The following DLG2 variants were observed in gnomAD, a reference collection of about 807,000 sequenced individuals.
DLG2 encodes disks large homolog 2.
In DLG2, 45 loss-of-function variants were observed where a neutral mutation model predicts 132.5. The ratio of observed to expected loss-of-function variants is 0.34; its 90% CI spans 0.27 to 0.44. DLG2 has a LOEUF of 0.44. DLG2 is among the 20% of genes least tolerant of loss of function. The pLI, the probability that DLG2 is intolerant of heterozygous loss-of-function variation, is 1.00. For missense variants in DLG2, 1,045 were observed against 1,196.9 expected (o/e 0.87, Z 1.87); for synonymous variants, 424 against 419.6 (o/e 1.01, Z -0.13).
At chr11:83,690,192 G>C (rs2080727385) in intron 18 of DLG2, among the ~76,000 whole-genome samples, 1 of 150,554 alleles carries the variant, frequency 6.6e-6, no homozygotes, top group Non-Finnish European at 1.5e-5. Context: ...GCTACCACTG[G>C]GGTGCGTATA....
At chr11:84,512,125 T>A (rs2154514161) in intron 7 of DLG2, among the ~76,000 whole-genome samples, 1 of 152,302 alleles carries the variant, frequency 6.6e-6, no homozygotes, top group East Asian at 1.9e-4. Context: ...CCTTTTTACA[T>A]ATAAGCAACA....
intron 6 of DLG2, among the ~76,000 whole-genome samples, chr11:84,663,747 C>T (rs2099697162): frequency 6.6e-6 from 1 of 152,152 alleles, no homozygotes; most frequent in South Asian, 2.1e-4. Context: ...TTTGTAGGCC[C>T]CTTATATCTG....
At chr11:84,445,823 G>A (rs2099032396) in intron 7 of DLG2, among the ~76,000 whole-genome samples, 1 of 150,628 alleles carries the variant, frequency 6.6e-6, no homozygotes, top group African/African-American at 2.5e-5. Flanking sequence ...GGCTGAGGCA[G>A]GAGAATGGCG....
At chr11:84,985,991 C>CAAAAAAAAAAA (rs71036455) in intron 6 of DLG2, among the ~76,000 whole-genome samples, 16 of 44,228 alleles carry the variant, frequency 3.6e-4, no homozygotes, top group East Asian at 1.7e-3. Flanking sequence ...GACTCCGTCT[C>CAAAAAAAAAAA]AAAAAAAAAA....
chr11:83,569,838 C>A (rs1264791194), intron 19 of DLG2, among the ~76,000 whole-genome samples: 1 of 152,208 alleles, frequency 6.6e-6, no homozygotes, highest in South Asian at 2.1e-4. Flanking sequence ...ACTCAGCAAG[C>A]CAGTCAGAAA....
chr11:85,443,668 A>T (rs2091886989), intron 3 of DLG2, among the ~76,000 whole-genome samples: 1 of 152,250 alleles, frequency 6.6e-6, no homozygotes, highest in Non-Finnish European at 1.5e-5. Context: ...GACATAAACC[A>T]TATTTAAATG....
intron 3 of DLG2, among the ~76,000 whole-genome samples, chr11:85,516,829 AATTC>A (rs1413797654): frequency 6.6e-6 from 1 of 152,114 alleles, no homozygotes; most frequent in Admixed American, 6.6e-5. Context: ...TTCACAGCTG[AATTC>A]CACCAAAAGT....
chr11:84,031,866 G>A (rs934968034), intron 11 of DLG2, among the ~76,000 whole-genome samples: 2 of 152,014 alleles, frequency 1.3e-5, no homozygotes, highest in Non-Finnish European at 2.9e-5. Context: ...ACTTCACGTC[G>A]TGTGTCACAT....
intron 6 of DLG2, among the ~76,000 whole-genome samples, chr11:84,837,270 G>A (rs1379555862): frequency 6.6e-6 from 1 of 151,808 alleles, no homozygotes; most frequent in Non-Finnish European, 1.5e-5. Context: ...ATTTCACCTT[G>A]CTTCTCTTTG....
At chr11:84,499,728 TTCTC>T (rs1043891881) in intron 7 of DLG2, among the ~76,000 whole-genome samples, 1 of 151,948 alleles carries the variant, frequency 6.6e-6, no homozygotes, top group African/African-American at 2.4e-5. Context: ...CTCTCTCTGT[TTCTC>T]TCTCTATATA....
chr11:84,560,557 G>A (rs2099425017), intron 6 of DLG2, among the ~76,000 whole-genome samples: 1 of 152,000 alleles, frequency 6.6e-6, no homozygotes, highest in Non-Finnish European at 1.5e-5. Flanking sequence ...TATAAGACAT[G>A]GCAGATTTGT....
At chr11:84,474,450 G>C (rs1316612740) in intron 7 of DLG2, among the ~76,000 whole-genome samples, 2 of 152,030 alleles carry the variant, frequency 1.3e-5, no homozygotes, top group African/African-American at 2.4e-5. Context: ...AGGATGATTT[G>C]TGTGTAAGGA....
At chr11:85,004,459 T>C (rs554970845) in intron 6 of DLG2, among the ~76,000 whole-genome samples, 2 of 152,344 alleles carry the variant, frequency 1.3e-5, no homozygotes, top group South Asian at 4.1e-4. Flanking sequence ...TTTGCATTTC[T>C]CTAATGGCCA....
chr11:85,593,649 AT>A (rs1047424316), intron 3 of DLG2, among the ~76,000 whole-genome samples: 1 of 152,206 alleles, frequency 6.6e-6, no homozygotes, highest in African/African-American at 2.4e-5. Context: ...CACACCCACT[AT>A]TTAAATAATC....
At position 84,361,189 on chromosome 11, in the gene DLG2, T is replaced by C. The variant is rs931973231; in HGVS notation, c.520-109898A>G. Among the ~76,000 whole-genome samples, 10 of 152,016 alleles carry C rather than the reference T, an allele frequency of 6.6e-5. No individual in the cohort carries two copies. The East Asian group carries it at 1.9e-3, about 29-fold the overall frequency. On this transcript the variant is annotated intron_variant, in intron 7 of 27. Coordinates refer to ENST00000376104, the MANE Select transcript of DLG2 (RefSeq NM_001142699.3). ...ATAAAAACACTATTTAAAGAAATAATGACCAATAGTTTTCCACATTTGATA... is the reference window on the plus strand; with the variant it reads ...ATAAAAACACTATTTAAAGAAATAACGACCAATAGTTTTCCACATTTGATA...
chr11:83,590,013 G>A (rs1185344916), intron 19 of DLG2, among the ~76,000 whole-genome samples: 11 of 136,416 alleles, frequency 8.1e-5, no homozygotes, highest in Non-Finnish European at 1.4e-4. Context: ...GACCTACAAA[G>A]AGACTTAGAC....
chr11:85,593,371 G>A (rs1183671555), intron 3 of DLG2, among the ~76,000 whole-genome samples: 4 of 152,138 alleles, frequency 2.6e-5, no homozygotes, highest in Non-Finnish European at 5.9e-5. Flanking sequence ...GATTAGTAAA[G>A]TACCATTTGC....
chr11:84,559,909 A>G (rs1419359955), intron 6 of DLG2, among the ~76,000 whole-genome samples: 1 of 152,114 alleles, frequency 6.6e-6, no homozygotes, highest in Non-Finnish European at 1.5e-5. Flanking sequence ...GCTCTAACAT[A>G]TGGCACATGA....
chr11:84,230,729 A>G (rs1025498662), intron 8 of DLG2, among the ~76,000 whole-genome samples: 4 of 152,200 alleles, frequency 2.6e-5, no homozygotes, highest in African/African-American at 9.6e-5. Flanking sequence ...TTCCAGTTAA[A>G]GAAAAAAAAT....
Sources: gnomAD v4.1 joint callset for allele counts (sites outside exome capture counted in the v4.1 genomes callset) on GRCh38, gnomAD v4.1.1 for gene constraint, MANE v1.5 for transcripts, NCBI Gene and HGNC (gene_info 2026-07-23, HGNC 2026-07-21) for gene names.